Variants in ADAM12 observed in about 807,000 individuals in gnomAD.
ADAM12 encodes the protein disintegrin and metalloproteinase domain-containing protein 12.
ADAM12 carries 70 observed loss-of-function variants against 106.4 expected under a neutral mutation model. The observed-to-expected ratio is 0.66, with a 90% CI of 0.54 to 0.80. ADAM12 has a LOEUF of 0.80. Ranked by LOEUF, ADAM12 falls within the 30% of genes least tolerant of loss-of-function variation. ADAM12 has a pLI of 0.00. For missense variants in ADAM12, 1,010 were observed against 1,171.9 expected, an observed-to-expected ratio of 0.86 and a Z score of 2.02; for synonymous variants, 420 against 433.5, an observed-to-expected ratio of 0.97 and a Z score of 0.39.
chr10:126,060,841 C>A (rs532639339), intron 14 of ADAM12, among the ~76,000 whole-genome samples: 2 of 152,314 alleles, frequency 1.3e-5, no homozygotes, highest in East Asian at 3.9e-4. Context: ...GTCACTCTGG[C>A]AGAGTCGGGG....
chr10:126,158,964 CA>C (rs1370163348), intron 3 of ADAM12, among the ~76,000 whole-genome samples: 1 of 152,050 alleles, frequency 6.6e-6, no homozygotes, highest in Non-Finnish European at 1.5e-5. Context: ...TAAGGATGCA[CA>C]CAGCCTATTC....
At chr10:126,086,987 C>G (rs988065259) in intron 11 of ADAM12, among the ~76,000 whole-genome samples, 1 of 151,306 alleles carries the variant, frequency 6.6e-6, no homozygotes, top group East Asian at 2.0e-4. Context: ...GAGCCAAGAT[C>G]GTGCCACTGT....
chr10:126,076,981 T>C (rs1046089276), intron 11 of ADAM12, among the ~76,000 whole-genome samples: 2 of 152,210 alleles, frequency 1.3e-5, no homozygotes, highest in Non-Finnish European at 2.9e-5. Flanking sequence ...TTGCTGACAA[T>C]ATAATTCTAT....
rs201954537 is a variant in ADAM12, at chr10:126,237,578, C to G, written c.260+41337G>C. Reference sequence around the variant, plus strand: ...AATATCTTCATATATTTTTGTCCTCCTCCTTCCCTTTTTCTTTCTACTTGG... The same window carrying G: ...AATATCTTCATATATTTTTGTCCTCGTCCTTCCCTTTTTCTTTCTACTTGG... On this transcript the variant is annotated intron_variant, in intron 3 of 22. Coordinates refer to ENST00000448723, the MANE Select transcript of ADAM12 (RefSeq NM_001288973.2). Among the ~76,000 whole-genome samples the G allele has an allele frequency of 3.9e-5, 6 of 152,176 alleles. No individual in the cohort carries two copies. The East Asian group carries it at 1.2e-3, about 29-fold the overall frequency.
intron 3 of ADAM12, among the ~76,000 whole-genome samples, chr10:126,176,372 C>T (rs941231986): frequency 3.3e-5 from 5 of 152,124 alleles, no homozygotes; most frequent in South Asian, 2.1e-4. Context: ...GGGTGGGATG[C>T]GTTATCATGA....
intron 1 of ADAM12, among the ~76,000 whole-genome samples, chr10:126,364,102 A>G (rs1473225161): frequency 4.6e-5 from 7 of 152,166 alleles, no homozygotes; most frequent in African/African-American, 7.2e-5. Context: ...ACCTCTGTAC[A>G]TGTCTAAAAA....
In ADAM12 at chr10:126,243,584, C is replaced by T. The variant is rs200336729; in HGVS notation, c.260+35331G>A. On this transcript the variant is annotated intron_variant, in intron 3 of 22. Coordinates refer to ENST00000448723, the MANE Select transcript of ADAM12 (RefSeq NM_001288973.2). ...GTAGGCCATTCAGGACAAGTTAAAA[C>T]ACTTATGGGATGTGTTTTTCACTTT... Among the ~76,000 whole-genome samples the T allele has an allele frequency of 5.3e-5, 8 of 151,866 alleles. No individual in the cohort carries two copies. The East Asian group carries it at 1.2e-3, about 22-fold the overall frequency.
At chr10:126,375,588 C>A (rs2133926705) in intron 1 of ADAM12, among the ~76,000 whole-genome samples, 1 of 151,444 alleles carries the variant, frequency 6.6e-6, no homozygotes, top group Middle Eastern at 3.4e-3. Context: ...GAATATGTAA[C>A]CTCTAAATTA....
chr10:126,180,077 A>G (rs1307710546), intron 3 of ADAM12, among the ~76,000 whole-genome samples: 1 of 152,232 alleles, frequency 6.6e-6, no homozygotes, highest in Non-Finnish European at 1.5e-5. Flanking sequence ...AATACAGACA[A>G]TATCATCAGA....
Position 126,038,952 on chromosome 10 carries a change from C to CTTTTTT in ADAM12, c.2240+336_2240+341dup, listed in dbSNP as rs34277276. 5.8e-3 allele frequency among the ~76,000 whole-genome samples: 418 copies of CTTTTTT among 71,572 alleles called. 4 individuals are homozygous for CTTTTTT. The highest frequency in any genetic ancestry group is 9.2e-3 in the East Asian group (17 of 1,844). The allele number at this position is 71,572 out of a possible 152,430, so 47.0% of individuals were successfully genotyped here. A position where few individuals can be genotyped will look rare whatever the true frequency, so the allele number is the denominator to read the frequency against. Reference sequence around the variant, plus strand: ...CTGTACATTTTCTGAGACACCATTTCTTTTTTTTTTTTTTTTTTTTTTTTT... The same window carrying CTTTTTT: ...CTGTACATTTTCTGAGACACCATTTCTTTTTTTTTTTTTTTTTTTTTTTTTTTTTTT... On this transcript the variant is annotated intron_variant, in intron 19 of 22. Transcript: ENST00000448723.
intron 12 of ADAM12, 58 bp downstream of exon 12, chr10:126,071,419 C>A: frequency 4.4e-6 from 7 of 1,587,758 alleles, no homozygotes; most frequent in Non-Finnish European, 6.0e-6. Flanking sequence ...GTTCTCTCTT[C>A]TTTGCCTAGC....
At chr10:126,022,756 C>T (rs74613885) in intron 21 of ADAM12, among the ~76,000 whole-genome samples, 3,281 of 152,314 alleles carry the variant, frequency 0.022, 101 homozygotes, top group East Asian at 0.11. Flanking sequence ...ATAAACATTT[C>T]TTTAAATCTA....
chr10:126,388,035 G>T lies in ADAM12; in HGVS notation c.88+23C>A. 1 of 1,204,844 alleles carries T rather than the reference G, an allele frequency of 8.3e-7. No homozygotes were observed. Among genetic ancestry groups the T allele is most frequent in the South Asian group, 4.1e-5 (1 of 24,290 alleles). 74.6% of individuals were successfully genotyped at this position (1,204,844 alleles called of 1,614,324 possible). ...GTGCCCTCGGCGGGGCGGGCAGCGA[G>T]CCGCCCTAGTTCGGCGACTTACCTC... On this transcript the variant is annotated intron_variant, in intron 1 of 22. Transcript: ENST00000448723. This position sits in a 1 kb window ranked among gnomAD's most constrained non-coding sequence, Gnocchi z 4.4.
intron 2 of ADAM12, among the ~76,000 whole-genome samples, chr10:126,320,432 T>C (rs1321032734): frequency 6.6e-6 from 1 of 152,220 alleles, no homozygotes; most frequent in Non-Finnish European, 1.5e-5. Flanking sequence ...TCAGGATAGG[T>C]ATAAAAATGT....
chr10:126,027,708 C>T (rs1245659739), intron 21 of ADAM12, among the ~76,000 whole-genome samples: 1 of 152,160 alleles, frequency 6.6e-6, no homozygotes, highest in African/African-American at 2.4e-5. Context: ...ATTAAAGGAA[C>T]ATACCTCAAA....
chr10:126,071,086 A>T (rs990769569), intron 12 of ADAM12, among the ~76,000 whole-genome samples: 3 of 152,214 alleles, frequency 2.0e-5, no homozygotes, highest in Non-Finnish European at 4.4e-5. Flanking sequence ...AATGCTGCTT[A>T]TTCAGATTCC....
intron 18 of ADAM12, chr10:126,041,437 A>T (rs764268128): frequency 1.0e-6 from 1 of 985,688 alleles, no homozygotes; most frequent in Non-Finnish European, 1.2e-6. Context: ...CTTACTTGTT[A>T]AATGAAGGGT....
chr10:126,338,193 C>G (rs1159956242), intron 1 of ADAM12, among the ~76,000 whole-genome samples: 1 of 151,724 alleles, frequency 6.6e-6, no homozygotes, highest in Non-Finnish European at 1.5e-5. Flanking sequence ...ACTGTCCATG[C>G]CTATGGTGCC....
chr10:126,222,033 C>G (rs894147823), intron 3 of ADAM12, among the ~76,000 whole-genome samples: 1 of 152,158 alleles, frequency 6.6e-6, no homozygotes, highest in African/African-American at 2.4e-5. Context: ...TGGCTGTCTC[C>G]TGAGGTCCTC....
Sources: gnomAD v4.1 joint callset for allele counts (sites outside exome capture counted in the v4.1 genomes callset) on GRCh38, gnomAD v4.1.1 for gene constraint, Gnocchi (gnomAD v3.1) non-coding constraint, MANE v1.5 for transcripts, NCBI Gene and HGNC (gene_info 2026-07-23, HGNC 2026-07-21) for gene names.